Variants in SLC10A7 observed in about 807,000 individuals in gnomAD.
SLC10A7 encodes sodium/bile acid cotransporter 7.
SLC10A7 carries 29 observed loss-of-function variants against 43.2 expected under a neutral mutation model. The observed-to-expected ratio is 0.67, with a 90% CI of 0.50 to 0.92. SLC10A7 has a LOEUF of 0.92. Among genes scored for constraint, SLC10A7 ranks in the 40% least tolerant of loss-of-function variants. SLC10A7 has a pLI of 0.00. For missense variants in SLC10A7, 295 were observed against 403.2 expected, an observed-to-expected ratio of 0.73 and a Z score of 2.30; for synonymous variants, 152 against 144.8, an observed-to-expected ratio of 1.05 and a Z score of -0.35.
intron 5 of SLC10A7, among the ~76,000 whole-genome samples, chr4:146,423,120 A>C (rs765502910): frequency 1.3e-5 from 2 of 152,156 alleles, no homozygotes; most frequent in Non-Finnish European, 2.9e-5. Context: ...AGCACATAGA[A>C]AATTTCACAA....
intron 4 of SLC10A7, among the ~76,000 whole-genome samples, chr4:146,488,814 T>A (rs1364772079): frequency 6.6e-6 from 1 of 152,244 alleles, no homozygotes; most frequent in Non-Finnish European, 1.5e-5. Flanking sequence ...TTAATTTTTT[T>A]ATAAAAGTTT....
rs538417026 is a variant in SLC10A7 at position 146,325,417 on chromosome 4, G to A, written c.471+544C>T. Among the ~76,000 whole-genome samples, 63 of 152,256 alleles carry A rather than the reference G, an allele frequency of 4.1e-4. No homozygotes were observed. In the South Asian group the frequency reaches 6.8e-3, roughly 17 times the overall value. Reference sequence around the variant, plus strand: ...AGTTTTTGTTTAGTTAACTAGAAGCGTGTATTGATTTGTATTTTTAATTTT... The same window carrying A: ...AGTTTTTGTTTAGTTAACTAGAAGCATGTATTGATTTGTATTTTTAATTTT... On this transcript the variant is annotated intron_variant, in intron 6 of 11. Coordinates refer to ENST00000335472, the MANE Select transcript of SLC10A7 (RefSeq NM_001029998.6).
intron 4 of SLC10A7, among the ~76,000 whole-genome samples, chr4:146,445,238 G>T (rs1403429201): frequency 6.6e-6 from 1 of 152,100 alleles, no homozygotes; most frequent in African/African-American, 2.4e-5. Flanking sequence ...TAATAACACA[G>T]CTTGGTCATC....
chr4:146,284,137 T>C (rs1729729024), intron 9 of SLC10A7, among the ~76,000 whole-genome samples: 1 of 152,204 alleles, frequency 6.6e-6, no homozygotes, highest in Non-Finnish European at 1.5e-5. Flanking sequence ...CCTTATATTT[T>C]AGAAACTATT....
Position 146,475,899 on chromosome 4 carries a change from T to G in SLC10A7, c.396+27950A>C, listed in dbSNP as rs72954567. Among the ~76,000 whole-genome samples the G allele has an allele frequency of 9.9e-3, 1,514 of 152,314 alleles. 21 individuals carry two copies. Among genetic ancestry groups the G allele is most frequent in the African/African-American group, 0.034 (1,411 of 41,558 alleles). On this transcript the variant is annotated intron_variant, in intron 4 of 11. Coordinates refer to ENST00000335472, the MANE Select transcript of SLC10A7 (RefSeq NM_001029998.6). ...CTGAATTTATATTGCAAGCACATAT[T>G]TTATCATAAAAAGTTTACAGATGAC...
intron 5 of SLC10A7, among the ~76,000 whole-genome samples, chr4:146,357,086 G>GA (rs1735709194): frequency 6.6e-6 from 1 of 151,994 alleles, no homozygotes; most frequent in Non-Finnish European, 1.5e-5. Flanking sequence ...CACCCATGAA[G>GA]AAAAAAGAAA....
chr4:146,347,663 A>C (rs1245401394), intron 5 of SLC10A7, among the ~76,000 whole-genome samples: 1 of 152,164 alleles, frequency 6.6e-6, no homozygotes, highest in Non-Finnish European at 1.5e-5. Context: ...TTCTATGCAA[A>C]AATGGAAAAT....
At chr4:146,353,838 C>A in intron 5 of SLC10A7, among the ~76,000 whole-genome samples, 2 of 88,758 alleles carry the variant, frequency 2.3e-5, no homozygotes, top group South Asian at 5.1e-4. Context: ...AATTCAACAA[C>A]CCTTCATGCT....
At chr4:146,521,517 T>C (rs909353816) in intron 1 of SLC10A7, 101 bp downstream of exon 1, 8 of 946,128 alleles carry the variant, frequency 8.5e-6, no homozygotes, top group African/African-American at 3.3e-5. Context: ...CCCCCTGAAA[T>C]TGGCAAGCGC....
rs77998156 is a variant in SLC10A7, at chr4:146,384,038, G to A, written c.436-58042C>T. Among the ~76,000 whole-genome samples, 174 of 151,756 alleles carry A rather than the reference G, an allele frequency of 1.1e-3. 1 individual carries two copies. In the East Asian group the frequency reaches 0.02, roughly 17 times the overall value. ...TCAGTTTCCTCAGTTACACATCAAA[G>A]GTATTGTATCAAATAATCTCTGAGA... On this transcript the variant is annotated intron_variant, in intron 5 of 11. Transcript: ENST00000335472.
In SLC10A7 at chr4:146,314,448, C is replaced by T. The variant is rs138503477; in HGVS notation, c.472-8439G>A. 3.4e-3 allele frequency among the ~76,000 whole-genome samples: 519 copies of T among 152,182 alleles called. 2 individuals carry two copies. The highest frequency in any genetic ancestry group is 5.0e-3 in the Non-Finnish European group (340 of 67,976). On this transcript the variant is annotated intron_variant, in intron 6 of 11. Transcript: ENST00000335472. ...ACACATGCATATGTGTATATCAGTCCAATGATCACAGTGCCTTATAAACCT... is the reference window on the plus strand; with the variant it reads ...ACACATGCATATGTGTATATCAGTCTAATGATCACAGTGCCTTATAAACCT...
At chr4:146,382,268 T>C (rs1445817941) in intron 5 of SLC10A7, among the ~76,000 whole-genome samples, 1 of 152,186 alleles carries the variant, frequency 6.6e-6, no homozygotes, top group South Asian at 2.1e-4. Flanking sequence ...TATTCTCCTG[T>C]AGAAGGACTA....
At position 146,393,191 on chromosome 4, in the gene SLC10A7, C is replaced by CAAAAA. The variant is rs765135958; in HGVS notation, c.435+49587_435+49591dup. ...TGGATGACAGAGCAAGGCCCTGTCTCAAAAAAAAAAAAAAAAAAAAAAAAA... is the reference window on the plus strand; with the variant it reads ...TGGATGACAGAGCAAGGCCCTGTCTCAAAAAAAAAAAAAAAAAAAAAAAAAAAAAA... On this transcript the variant is annotated intron_variant, in intron 5 of 11. Transcript: ENST00000335472. 2.1e-4 allele frequency among the ~76,000 whole-genome samples: 9 copies of CAAAAA among 42,076 alleles called. 1 individual carries two copies. Among genetic ancestry groups the CAAAAA allele is most frequent in the African/African-American group, 5.6e-4 (6 of 10,622 alleles). The allele number at this position is 42,076 out of a possible 152,430, so 27.6% of individuals were successfully genotyped here. A position where few individuals can be genotyped will look rare whatever the true frequency, so the allele number is the denominator to read the frequency against.
chr4:146,338,408 A>AG (rs1475668579), intron 5 of SLC10A7, among the ~76,000 whole-genome samples: 1 of 151,980 alleles, frequency 6.6e-6, no homozygotes, highest in Non-Finnish European at 1.5e-5. Context: ...TACATAGACA[A>AG]GGAATTGTTC....
intron 10 of SLC10A7, among the ~76,000 whole-genome samples, chr4:146,263,083 G>C (rs140360309): frequency 2.8e-3 from 433 of 152,284 alleles, no homozygotes; most frequent in Middle Eastern, 6.8e-3. Flanking sequence ...TTGCCCCTAG[G>C]CTTTGCACCT....
intron 5 of SLC10A7, among the ~76,000 whole-genome samples, chr4:146,402,559 T>C (rs1396715174): frequency 6.6e-6 from 1 of 151,786 alleles, no homozygotes; most frequent in African/African-American, 2.4e-5. Context: ...ACTCCAACCC[T>C]GGCTGCCTCA....
At chr4:146,303,200 A>T (rs1731276193) in intron 7 of SLC10A7, among the ~76,000 whole-genome samples, 1 of 151,946 alleles carries the variant, frequency 6.6e-6, no homozygotes. Context: ...TTCTACTGAG[A>T]CCTTTGCTGG....
At chr4:146,499,299 C>A (rs1486005422) in intron 4 of SLC10A7, among the ~76,000 whole-genome samples, 1 of 152,132 alleles carries the variant, frequency 6.6e-6, no homozygotes, top group African/African-American at 2.4e-5. Flanking sequence ...GAGTACAGAG[C>A]CGCTACATGC....
intron 5 of SLC10A7, among the ~76,000 whole-genome samples, chr4:146,397,353 C>G (rs1232716494): frequency 1.3e-5 from 2 of 152,172 alleles, no homozygotes; most frequent in African/African-American, 4.8e-5. Flanking sequence ...TTTCTTCCAA[C>G]TTAACAACTC....
Sources: gnomAD v4.1 joint callset for allele counts (sites outside exome capture counted in the v4.1 genomes callset) on GRCh38, gnomAD v4.1.1 for gene constraint, MANE v1.5 for transcripts, NCBI Gene and HGNC (gene_info 2026-07-23, HGNC 2026-07-21) for gene names.